GARIN1A: variants seen among roughly 807,000 people sequenced by gnomAD.
The protein encoded by GARIN1A is golgi associated RAB2 interactor 1A, also known as Golgi-associated RAB2 interactor protein 1A.
the GARIN1A span, among the ~76,000 whole-genome samples, chr7:128,704,235 C>T: frequency 6.0e-5 from 1 of 16,600 alleles, no homozygotes; most frequent in Non-Finnish European, 1.6e-4. Flanking sequence ...GGTGGGGGGG[C>T]GGGGATGATG....
the GARIN1A span, among the ~76,000 whole-genome samples, chr7:128,689,373 C>A: frequency 6.6e-6 from 1 of 151,680 alleles, no homozygotes; most frequent in Non-Finnish European, 1.5e-5. Context: ...TCTGCCCGGC[C>A]GCCCATCGTC....
the GARIN1A span, among the ~76,000 whole-genome samples, chr7:128,704,547 T>G: frequency 1.3e-5 from 2 of 151,766 alleles, no homozygotes; most frequent in Non-Finnish European, 2.9e-5. Flanking sequence ...TCAGGTAATC[T>G]GTCTACCTCA....
the GARIN1A span, among the ~76,000 whole-genome samples, chr7:128,679,199 C>A: frequency 6.9e-6 from 1 of 145,036 alleles, no homozygotes; most frequent in Non-Finnish European, 1.5e-5. Context: ...TAAAATTAAA[C>A]TTTTTTTTTT....
the GARIN1A span, among the ~76,000 whole-genome samples, chr7:128,675,483 GAC>G: frequency 6.6e-6 from 1 of 152,178 alleles, no homozygotes; most frequent in African/African-American, 2.4e-5. Context: ...AGAGAAGAAT[GAC>G]ACAGGGTTCC....
the GARIN1A span, chr7:128,677,591 A>G: frequency 1.2e-6 from 2 of 1,610,962 alleles, no homozygotes; most frequent in African/African-American, 2.7e-5. Context: ...ACGTGGAGCT[A>G]CGAATCTACG....
the GARIN1A span, chr7:128,682,966 A>G: frequency 2.5e-6 from 4 of 1,592,262 alleles, no homozygotes; most frequent in East Asian, 4.5e-5. Context: ...TCCTACAGGA[A>G]CAATGACACT....
chr7:128,672,274 G>A, the GARIN1A span: 1 of 765,350 alleles, frequency 1.3e-6, no homozygotes, highest in Non-Finnish European at 2.1e-6. Context: ...CTGGTGGACA[G>A]CCCGTAAGTA....
the GARIN1A span, among the ~76,000 whole-genome samples, chr7:128,707,528 A>G: frequency 4.3e-3 from 655 of 152,206 alleles, 4 homozygotes; most frequent in African/African-American, 0.015. Context: ...ACAGTGTGGC[A>G]CCATCATGGC....
the GARIN1A span, among the ~76,000 whole-genome samples, chr7:128,700,723 A>G: frequency 1.3e-5 from 2 of 152,218 alleles, no homozygotes; most frequent in African/African-American, 4.8e-5. Context: ...AAGAAATGAG[A>G]TAGAAGAAAT....
At chr7:128,676,089 G>A in the GARIN1A span, among the ~76,000 whole-genome samples, 1 of 148,622 alleles carries the variant, frequency 6.7e-6, no homozygotes, top group Non-Finnish European at 1.5e-5. Context: ...GCGGGATCTC[G>A]GCTCACTGCA....
At chr7:128,680,713 C>T in the GARIN1A span, among the ~76,000 whole-genome samples, 9 of 152,100 alleles carry the variant, frequency 5.9e-5, no homozygotes, top group South Asian at 1.2e-3. Flanking sequence ...TACAGGCGAC[C>T]GCCACCACAC....
At chr7:128,688,011 C>T in the GARIN1A span, 1 of 150,272 alleles carries the variant, frequency 6.7e-6, no homozygotes, top group African/African-American at 2.5e-5. Context: ...TGTCCAAACC[C>T]ACATACAATC....
the GARIN1A span, among the ~76,000 whole-genome samples, chr7:128,703,405 A>C: frequency 6.6e-6 from 1 of 152,252 alleles, no homozygotes; most frequent in Non-Finnish European, 1.5e-5. Flanking sequence ...TATAAACTAC[A>C]CACTTCTACA....
chr7:128,695,069 ACT>A, the GARIN1A span, among the ~76,000 whole-genome samples: 1 of 152,180 alleles, frequency 6.6e-6, no homozygotes, highest in East Asian at 1.9e-4. The surrounding 1 kb of genome is among the most constrained non-coding windows in gnomAD (Gnocchi z 4.5). Context: ...GGCTTAAGGA[ACT>A]CTATTCACTA....
chr7:128,697,850 C>T, the GARIN1A span: 1 of 152,438 alleles, frequency 6.6e-6, no homozygotes, highest in Admixed American at 6.5e-5. Context: ...CGCCACCCCA[C>T]CCCGACTGAC....
the GARIN1A span, among the ~76,000 whole-genome samples, chr7:128,702,511 T>A: frequency 6.6e-6 from 1 of 152,182 alleles, no homozygotes; most frequent in Non-Finnish European, 1.5e-5. Context: ...CTAAAATTTC[T>A]TGAAAATATG....
chr7:128,703,749 T>C, the GARIN1A span, among the ~76,000 whole-genome samples: 1 of 150,412 alleles, frequency 6.6e-6, no homozygotes, highest in Non-Finnish European at 1.5e-5. Context: ...TGCACTCCAG[T>C]GTGGATGACA....
the GARIN1A span, chr7:128,684,772 T>C: frequency 5.3e-5 from 8 of 152,304 alleles, no homozygotes; most frequent in African/African-American, 1.9e-4. Flanking sequence ...TCTGATTAAT[T>C]TGACTGTTTC....
At chr7:128,677,645 G>A in the GARIN1A span, 1 of 1,613,740 alleles carries the variant, frequency 6.2e-7, no homozygotes. Flanking sequence ...TGACCGAAAA[G>A]ATCTACTATC....
Sources: allele counts gnomAD v4.1 joint callset (sites outside exome capture counted in the v4.1 genomes callset), GRCh38; gene constraint gnomAD v4.1.1; non-coding constraint Gnocchi (gnomAD v3.1); transcripts MANE v1.5; gene names NCBI Gene and HGNC (gene_info 2026-07-23, HGNC 2026-07-21).